Variants in UST observed in about 807,000 individuals in gnomAD.
UST encodes the protein uronyl 2-sulfotransferase, also known as chondroitin sulfate 2-O-sulfotransferase.
A neutral mutation model predicts 45.6 loss-of-function variants in UST; 21 were observed. The observed-to-expected ratio is 0.46, with a 90% CI of 0.33 to 0.66. UST has a LOEUF of 0.66. Among genes scored for constraint, UST ranks in the 30% least tolerant of loss-of-function variants. The pLI, the probability that UST is intolerant of heterozygous loss-of-function variation, is 0.02. For missense variants in UST, 463 were observed against 512.4 expected (o/e 0.90, Z 0.93); for synonymous variants, 215 against 200.6 (o/e 1.07, Z -0.61).
chr6:148,881,151 C>T (rs565641606), intron 1 of UST, among the ~76,000 whole-genome samples: 13 of 152,248 alleles, frequency 8.5e-5, no homozygotes, highest in Non-Finnish European at 1.6e-4. Flanking sequence ...ATGGAGTTCC[C>T]AGGGATGGAC....
intron 1 of UST, among the ~76,000 whole-genome samples, chr6:148,855,786 G>A (rs892838698): frequency 1.3e-5 from 2 of 152,158 alleles, no homozygotes; most frequent in Non-Finnish European, 2.9e-5. Context: ...AGAAAGCTGA[G>A]CAAGACATGT....
At chr6:148,865,355 T>C (rs1417021923) in intron 1 of UST, among the ~76,000 whole-genome samples, 1 of 152,192 alleles carries the variant, frequency 6.6e-6, no homozygotes, top group South Asian at 2.1e-4. Flanking sequence ...GGGGTCACCG[T>C]GTTTAAAGCT....
intron 5 of UST, among the ~76,000 whole-genome samples, chr6:149,008,359 T>C (rs966662883): frequency 2.0e-5 from 3 of 152,204 alleles, no homozygotes; most frequent in African/African-American, 7.2e-5. Context: ...TTTCCGTTTC[T>C]CCATCTGTAC....
rs915907246 is a variant in UST at position 149,076,391 on chromosome 6, G to T, written c.*2275G>T. On this transcript the variant is annotated 3_prime_UTR_variant, in exon 8 of 8. Transcript: ENST00000367463. Reference sequence around the variant, plus strand: ...CTCTTGTCAGAACATTGGGACAATTGGTCGTTCAAAAACATTCATCCTCTT... The same window carrying T: ...CTCTTGTCAGAACATTGGGACAATTTGTCGTTCAAAAACATTCATCCTCTT... 6.6e-5 allele frequency: 10 copies of T among 152,174 alleles called. No individual in the cohort carries two copies. The highest frequency in any genetic ancestry group is 2.4e-4 in the African/African-American group (10 of 41,430). 9.4% of individuals were successfully genotyped at this position (152,174 alleles called of 1,614,324 possible).
chr6:148,994,126 C>A (rs1395931930), intron 5 of UST, among the ~76,000 whole-genome samples: 1 of 151,898 alleles, frequency 6.6e-6, no homozygotes, highest in African/African-American at 2.4e-5. Context: ...TGCACCAGCA[C>A]GCTGGCTAAT....
chr6:148,815,628 TATC>T (rs1358504828), intron 1 of UST, among the ~76,000 whole-genome samples: 2 of 152,184 alleles, frequency 1.3e-5, no homozygotes, highest in Non-Finnish European at 2.9e-5. Context: ...TACTTAAAAA[TATC>T]ATTGCCATTA....
intron 1 of UST, among the ~76,000 whole-genome samples, chr6:148,758,463 G>T (rs943811846): frequency 1.2e-4 from 19 of 152,260 alleles, no homozygotes; most frequent in African/African-American, 4.1e-4. Flanking sequence ...TACTCTCTGG[G>T]ATAGCCAGCT....
intron 1 of UST, among the ~76,000 whole-genome samples, chr6:148,837,445 G>A (rs1303075305): frequency 6.6e-6 from 1 of 152,194 alleles, no homozygotes; most frequent in Non-Finnish European, 1.5e-5. Context: ...GTTACTAAAA[G>A]GAGATGGGAG....
chr6:149,025,661 TA>T (rs1186229176), intron 7 of UST, among the ~76,000 whole-genome samples: 1 of 152,206 alleles, frequency 6.6e-6, no homozygotes, highest in Non-Finnish European at 1.5e-5. Context: ...TATACATAAT[TA>T]TTTTTTATTG....
At chr6:148,924,660 C>A (rs1779778358) in intron 2 of UST, among the ~76,000 whole-genome samples, 1 of 152,170 alleles carries the variant, frequency 6.6e-6, no homozygotes, top group South Asian at 2.1e-4. Context: ...CTCTGAATTT[C>A]CCCTAGGCCG....
Position 148,970,537 on chromosome 6 carries a change from G to A in UST, c.681+5974G>A, listed in dbSNP as rs1780894273. Among the ~76,000 whole-genome samples, 6 of 152,286 alleles carry A rather than the reference G, an allele frequency of 3.9e-5. 1 individual carries two copies. The South Asian group carries it at 1.0e-3, about 26-fold the overall frequency. On this transcript the variant is annotated intron_variant, in intron 5 of 7. Coordinates refer to ENST00000367463, the MANE Select transcript of UST (RefSeq NM_005715.3). Reference sequence around the variant, plus strand: ...CTTACGAGTCACCCAGGTTACCTCTGTATCAGGAGCCACGGGGCAGGAGAA... The same window carrying A: ...CTTACGAGTCACCCAGGTTACCTCTATATCAGGAGCCACGGGGCAGGAGAA...
At chr6:149,029,904 GTGTGTGGT>G (rs1241952553) in intron 7 of UST, among the ~76,000 whole-genome samples, 1 of 144,178 alleles carries the variant, frequency 6.9e-6, no homozygotes, top group Non-Finnish European at 1.6e-5. Flanking sequence ...GTGTGTGTGT[GTGTGTGGT>G]GTGTGCACCT....
At chr6:149,007,481 T>A (rs979455578) in intron 5 of UST, among the ~76,000 whole-genome samples, 1 of 136,640 alleles carries the variant, frequency 7.3e-6, no homozygotes, top group African/African-American at 2.8e-5. Context: ...TTTTTTTTTT[T>A]AGTAGAGACG....
intron 1 of UST, among the ~76,000 whole-genome samples, chr6:148,828,482 T>A (rs1200729988): frequency 6.6e-6 from 1 of 152,128 alleles, no homozygotes; most frequent in Non-Finnish European, 1.5e-5. Flanking sequence ...AAAACCTATG[T>A]TTCATTCACT....
At chr6:148,784,513 C>G (rs1776702745) in intron 1 of UST, among the ~76,000 whole-genome samples, 1 of 152,200 alleles carries the variant, frequency 6.6e-6, no homozygotes, top group Non-Finnish European at 1.5e-5. Flanking sequence ...AAAAGGGAAG[C>G]TATATCAGGC....
intron 2 of UST, among the ~76,000 whole-genome samples, chr6:148,898,540 A>G (rs1489177835): frequency 1.3e-5 from 2 of 152,280 alleles, no homozygotes; most frequent in African/African-American, 4.8e-5. Flanking sequence ...TCAGATTTCA[A>G]CTTTCAGTGG....
At chr6:148,835,560 G>A (rs1396393697) in intron 1 of UST, among the ~76,000 whole-genome samples, 1 of 152,174 alleles carries the variant, frequency 6.6e-6, no homozygotes, top group African/African-American at 2.4e-5. Context: ...TATCCTTCAA[G>A]TGGTTTTGTC....
At chr6:148,965,661 C>T (rs1780776153) in intron 5 of UST, among the ~76,000 whole-genome samples, 1 of 152,140 alleles carries the variant, frequency 6.6e-6, no homozygotes, top group Admixed American at 6.5e-5. Flanking sequence ...CTCAGTGTCA[C>T]GTTCATGTTT....
chr6:148,756,954 G>T (rs1240253123), intron 1 of UST, among the ~76,000 whole-genome samples: 3 of 152,200 alleles, frequency 2.0e-5, no homozygotes, highest in Non-Finnish European at 4.4e-5. Flanking sequence ...TTTCTTTCTT[G>T]CTCTTTGAAG....
Sources: gnomAD v4.1 joint callset for allele counts (sites outside exome capture counted in the v4.1 genomes callset) on GRCh38, gnomAD v4.1.1 for gene constraint, MANE v1.5 for transcripts, NCBI Gene and HGNC (gene_info 2026-07-23, HGNC 2026-07-21) for gene names.